KIRREL1: variants seen among roughly 807,000 people sequenced by gnomAD.
The protein encoded by KIRREL1 is kirre like nephrin family adhesion molecule 1, also known as kin of IRRE-like protein 1.
A neutral mutation model predicts 83.3 loss-of-function variants in KIRREL1; 25 were observed. That is an observed-to-expected ratio of 0.30 (90% CI 0.22 to 0.42). The LOEUF is 0.42. Ranked by LOEUF, KIRREL1 falls within the 10% of genes least tolerant of loss-of-function variation. KIRREL1 has a pLI of 1.00. For missense variants in KIRREL1, 812 were observed against 1,032.3 expected, an observed-to-expected ratio of 0.79 and a Z score of 2.92; for synonymous variants, 388 against 410.4, an observed-to-expected ratio of 0.95 and a Z score of 0.66.
chr1:158,041,893 G>T lies in KIRREL1; in HGVS notation c.53-34220G>T, dbSNP rs2101579747. On this transcript the variant is annotated intron_variant, in intron 1 of 14. Transcript: ENST00000359209. ...GAGTGGAAGGGCATGGATTTGGTGAGCTAGAGATGGCGAGGAGGGTTAGGC... is the reference window on the plus strand; with the variant it reads ...GAGTGGAAGGGCATGGATTTGGTGATCTAGAGATGGCGAGGAGGGTTAGGC... Among the ~76,000 whole-genome samples, 3 of 152,316 alleles carry T rather than the reference G, an allele frequency of 2.0e-5. No individual in the cohort carries two copies. In the Middle Eastern group the frequency reaches 0.01, roughly 518 times the overall value.
chr1:158,039,984 T>C (rs975635912), intron 1 of KIRREL1, among the ~76,000 whole-genome samples: 5 of 152,230 alleles, frequency 3.3e-5, no homozygotes, highest in Non-Finnish European at 5.9e-5. Flanking sequence ...GATCTACTCA[T>C]AAAGCAGAGC....
chr1:158,054,212 CAAAA>C (rs57034495), intron 1 of KIRREL1, among the ~76,000 whole-genome samples: 1 of 85,124 alleles, frequency 1.2e-5, no homozygotes, highest in African/African-American at 5.4e-5. Context: ...GACTCCATCT[CAAAA>C]AAAAAAAAAA....
At chr1:158,084,707 CA>C in intron 4 of KIRREL1, 128 bp downstream of exon 4, 1 of 951,524 alleles carries the variant, frequency 1.1e-6, no homozygotes, top group Non-Finnish European at 1.5e-6. Context: ...TCATCTGGTT[CA>C]ACCCTCTCAT....
At position 158,094,651 on chromosome 1, in the gene KIRREL1, C is replaced by T; in HGVS notation, c.1805C>T (p.Thr602Ile). ...TTCTCTCATTGCCCCCAGGACCCCA[C>T]CAATGGCTACTACAACGTGCGTGCC... is the stretch of plus-strand genomic sequence containing the variant. ...TREEYEMKDP[T>I]NGYYNVRAHE... Residue 602 changes from threonine to isoleucine, a missense_variant, in exon 15 of 15, where the codon ACC becomes ATC. Physicochemically the swap from Thr to Ile is moderately conservative, Grantham distance 89. This residue lies in a region of KIRREL1 where 334 missense variants were observed against 383.7 expected (regional missense o/e 0.87). Transcript: ENST00000359209. The surrounding 1 kb of genome is among the most constrained non-coding windows in gnomAD (Gnocchi z 4.6). 3 of 1,594,806 alleles carry T rather than the reference C, an allele frequency of 1.9e-6. No individual in the cohort carries two copies. The highest frequency in any genetic ancestry group is 2.6e-6 in the Non-Finnish European group (3 of 1,172,176).
intron 1 of KIRREL1, among the ~76,000 whole-genome samples, chr1:158,034,946 CT>C (rs1461362228): frequency 6.6e-6 from 1 of 151,988 alleles, no homozygotes; most frequent in Non-Finnish European, 1.5e-5. Context: ...TTTTTAAATT[CT>C]CTCTATATTT....
chr1:158,086,812 A>G, intron 5 of KIRREL1, 66 bp downstream of exon 5: 1 of 1,429,746 alleles, frequency 7.0e-7, no homozygotes. Flanking sequence ...TGAGAAGCAC[A>G]CTCTTAGTTT....
chr1:158,091,121 A>C (rs1038238189), intron 10 of KIRREL1, among the ~76,000 whole-genome samples: 5 of 152,296 alleles, frequency 3.3e-5, no homozygotes, highest in Admixed American at 2.0e-4. Context: ...TCCCTAGGTA[A>C]ATCTGATGTC....
chr1:158,023,027 T>A (rs1172330174), intron 1 of KIRREL1, among the ~76,000 whole-genome samples: 2 of 152,180 alleles, frequency 1.3e-5, no homozygotes, highest in Admixed American at 1.3e-4. Flanking sequence ...TGGCCCCTGT[T>A]TTCTCCTCTC....
In KIRREL1 at chr1:158,034,394, G is replaced by A. The variant is rs533923727; in HGVS notation, c.52+40666G>A. On this transcript the variant is annotated intron_variant, in intron 1 of 14. Coordinates refer to ENST00000359209, the MANE Select transcript of KIRREL1 (RefSeq NM_018240.7). Reference sequence around the variant, plus strand: ...AATTTTCATTCCATTTTATATCCAAGTACTTGGCATTCTTTATATCTCTGA... The same window carrying A: ...AATTTTCATTCCATTTTATATCCAAATACTTGGCATTCTTTATATCTCTGA... Among the ~76,000 whole-genome samples, 7 of 151,756 alleles carry A rather than the reference G, an allele frequency of 4.6e-5. No homozygotes were observed. In the South Asian group the frequency reaches 1.5e-3, roughly 32 times the overall value.
intron 3 of KIRREL1, among the ~76,000 whole-genome samples, chr1:158,080,205 A>T (rs1179337510): frequency 6.6e-6 from 1 of 152,178 alleles, no homozygotes; most frequent in East Asian, 1.9e-4. Context: ...CTTAGGCCCT[A>T]GAAGGTGCTA....
intron 1 of KIRREL1, among the ~76,000 whole-genome samples, chr1:158,040,969 G>T (rs1406702428): frequency 1.3e-5 from 2 of 152,046 alleles, no homozygotes; most frequent in Non-Finnish European, 2.9e-5. Flanking sequence ...GGTAGGGGGA[G>T]CTGGGCATGT....
chr1:158,090,075 T>C (rs765603705), intron 10 of KIRREL1, among the ~76,000 whole-genome samples: 3 of 152,160 alleles, frequency 2.0e-5, no homozygotes, highest in African/African-American at 4.8e-5. Flanking sequence ...CAGTAACTCC[T>C]ACCTAATAGG....
In KIRREL1 at chr1:158,010,338, C is replaced by T. The variant is rs1659638760; in HGVS notation, c.52+16610C>T. Among the ~76,000 whole-genome samples the T allele has an allele frequency of 1.4e-5, 2 of 139,976 alleles. 1 individual carries two copies. The highest frequency in any genetic ancestry group is 4.4e-4 in the South Asian group (2 of 4,504). 91.8% of individuals were successfully genotyped at this position (139,976 alleles called of 152,430 possible). A position where few individuals can be genotyped will look rare whatever the true frequency, so the allele number is the denominator to read the frequency against. On this transcript the variant is annotated intron_variant, in intron 1 of 14. Transcript: ENST00000359209. ...AGTCCCCACCATAAACACACACACA[C>T]ACACACACACACACACACACACACC...
At chr1:158,025,962 A>G (rs1289778566) in intron 1 of KIRREL1, among the ~76,000 whole-genome samples, 1 of 151,804 alleles carries the variant, frequency 6.6e-6, no homozygotes, top group African/African-American at 2.4e-5. Context: ...GGCAAGTAGG[A>G]GTGCTGAGCT....
intron 1 of KIRREL1, among the ~76,000 whole-genome samples, chr1:158,003,045 A>T (rs1352635527): frequency 2.0e-5 from 3 of 151,992 alleles, no homozygotes; most frequent in African/African-American, 7.2e-5. Flanking sequence ...TTCTAAATTA[A>T]CTTTGTCCTT....
Position 158,029,366 on chromosome 1 carries a change from T to TGTGTGTGTGCGC in KIRREL1, c.52+35639_52+35640insTGTGTGTGCGCG, listed in dbSNP as rs1553238087. Among the ~76,000 whole-genome samples the TGTGTGTGTGCGC allele has an allele frequency of 3.5e-4, 52 of 149,026 alleles. 1 individual carries two copies. In the Middle Eastern group the frequency reaches 0.01, roughly 30 times the overall value. ...GTGTGTGTGTGTGTGTGTGTGTGTGTGCACGTGCGCGCGCATGCACACATG... is the reference window on the plus strand; with the variant it reads ...GTGTGTGTGTGTGTGTGTGTGTGTGTGTGTGTGTGCGCGCACGTGCGCGCGCATGCACACATG... On this transcript the variant is annotated intron_variant, in intron 1 of 14. Coordinates refer to ENST00000359209, the MANE Select transcript of KIRREL1 (RefSeq NM_018240.7).
chr1:158,075,497 G>T lies in KIRREL1; in HGVS notation c.53-616G>T, dbSNP rs368136045. Among the ~76,000 whole-genome samples, 21 of 152,312 alleles carry T rather than the reference G, an allele frequency of 1.4e-4. No individual in the cohort carries two copies. The South Asian group carries it at 4.1e-3, about 30-fold the overall frequency. On this transcript the variant is annotated intron_variant, in intron 1 of 14. Coordinates refer to ENST00000359209, the MANE Select transcript of KIRREL1 (RefSeq NM_018240.7). ...GTGGGTTCAGAGCTACTTTGTTTTG[G>T]ATACACTTTCCACCCAGGAAGCTTC...
At chr1:158,007,115 G>A (rs1157919205) in intron 1 of KIRREL1, among the ~76,000 whole-genome samples, 2 of 152,192 alleles carry the variant, frequency 1.3e-5, no homozygotes, top group Non-Finnish European at 2.9e-5. Flanking sequence ...ACTTGAACTT[G>A]AGGCAGGAGA....
Position 158,078,134 on chromosome 1 carries a change from G to A in KIRREL1, c.346G>A (p.Val116Met), listed in dbSNP as rs1412363703. ...GCGCTCTCGGCGGGCCAAACTCACC[G>A]TGCTCAGTAAGGACCCCAATACCCT... ...ALRSRRAKLT[V>M]LIPPEDTRID... Residue 116 changes from valine to methionine, a missense_variant, in exon 3 of 15, where the codon GTG becomes ATG. Val to Met is a conservative substitution (Grantham distance 21). This residue lies in a region of KIRREL1 where 472 missense variants were observed against 626.8 expected (regional missense o/e 0.75). Transcript: ENST00000359209. 2.5e-6 allele frequency: 4 copies of A among 1,613,928 alleles called. No individual in the cohort carries two copies. Among genetic ancestry groups the A allele is most frequent in the Admixed American group, 1.7e-5 (1 of 60,026 alleles).
Sources: allele counts gnomAD v4.1 joint callset (sites outside exome capture counted in the v4.1 genomes callset), GRCh38; gene constraint gnomAD v4.1.1; regional missense constraint gnomAD v4.1.1; non-coding constraint Gnocchi (gnomAD v3.1); transcripts MANE v1.5; gene names NCBI Gene and HGNC (gene_info 2026-07-23, HGNC 2026-07-21).